IPMK: variants seen among roughly 807,000 people sequenced by gnomAD.
IPMK encodes the protein inositol polyphosphate multikinase.
IPMK carries 17 observed loss-of-function variants against 45.8 expected under a neutral mutation model. The observed-to-expected ratio is 0.37, with a 90% CI of 0.25 to 0.56. The LOEUF (loss-of-function observed/expected upper bound fraction) is 0.56. Among genes scored for constraint, IPMK ranks in the 20% least tolerant of loss-of-function variants. The pLI is 0.79. For missense variants in IPMK, 399 were observed against 498.0 expected (o/e 0.80, Z 1.89); for synonymous variants, 180 against 184.3 (o/e 0.98, Z 0.19).
At position 58,267,445 on chromosome 10, in the gene IPMK, T is replaced by C; in HGVS notation, c.167A>G (p.His56Arg). ...ACCCACTTTGTCCTTCCCGTACATGTGCCCGGCCACCTGATGCGAGAGGGG... is the reference window on the plus strand; with the variant it reads ...ACCCACTTTGTCCTTCCCGTACATGCGCCCGGCCACCTGATGCGAGAGGGG... ...CVPLSHQVAG[H>R]MYGKDKVGIL... The change falls in exon 1 of 6, where the codon CAC becomes CGC. Residue 56 changes from histidine to arginine, a missense_variant. Transcript: ENST00000373935. 1 of 1,613,874 alleles carries C rather than the reference T, an allele frequency of 6.2e-7. No individual in the cohort carries two copies. The highest frequency in any genetic ancestry group is 8.5e-7 in the Non-Finnish European group (1 of 1,179,878).
chr10:58,267,629 GT>G lies in IPMK; in HGVS notation c.-19del. 1 of 1,561,374 alleles carries G rather than the reference GT, an allele frequency of 6.4e-7. No homozygotes were observed. The highest frequency in any genetic ancestry group is 8.7e-7 in the Non-Finnish European group (1 of 1,148,098). ...GTTGCCATAACGGAGAGCAGAAGCG[GT>G]AACGGCAGCGAGAGTAGGAAAAAAA... On this transcript the variant is annotated 5_prime_UTR_variant, in exon 1 of 6. Coordinates refer to ENST00000373935, the MANE Select transcript of IPMK (RefSeq NM_152230.5).
At chr10:58,204,073 A>G (rs951209094) in intron 4 of IPMK, among the ~76,000 whole-genome samples, 2 of 152,022 alleles carry the variant, frequency 1.3e-5, no homozygotes, top group Non-Finnish European at 2.9e-5. Context: ...TTAAAAAAAC[A>G]TAATGCAACC....
At chr10:58,261,872 T>G (rs543206535) in intron 1 of IPMK, among the ~76,000 whole-genome samples, 1 of 152,264 alleles carries the variant, frequency 6.6e-6, no homozygotes, top group African/African-American at 2.4e-5. Flanking sequence ...CCCCAAGTAA[T>G]TTTTGAACAC....
At chr10:58,237,682 T>G (rs1173715832) in intron 2 of IPMK, 47 bp downstream of exon 2, 1 of 1,415,960 alleles carries the variant, frequency 7.1e-7, no homozygotes, top group Non-Finnish European at 1.0e-6. Context: ...ACCAGAAAAC[T>G]CTGAAAAACA....
rs924655198 is a variant in IPMK at position 58,193,485 on chromosome 10, CATT to C, written c.*2588_*2590del. 6.6e-6 allele frequency: 1 copy of C among 151,726 alleles called. No individual in the cohort carries two copies. Among genetic ancestry groups the C allele is most frequent in the Non-Finnish European group, 1.5e-5 (1 of 67,728 alleles). 9.4% of individuals were successfully genotyped at this position (151,726 alleles called of 1,614,324 possible). On this transcript the variant is annotated 3_prime_UTR_variant, in exon 6 of 6. Coordinates refer to ENST00000373935, the MANE Select transcript of IPMK (RefSeq NM_152230.5). ...TTTAGATAAAATATTTAGCATTTATCATTGATTTTAATTTATTTGAATCTATGC... is the reference window on the plus strand; with the variant it reads ...TTTAGATAAAATATTTAGCATTTATCGATTTTAATTTATTTGAATCTATGC...
intron 1 of IPMK, among the ~76,000 whole-genome samples, chr10:58,265,520 T>C (rs1440995252): frequency 6.6e-6 from 1 of 152,212 alleles, no homozygotes; most frequent in Non-Finnish European, 1.5e-5. Flanking sequence ...ATCAGTCAAG[T>C]ATCCTTTTAC....
At chr10:58,244,178 G>C (rs1271383283) in intron 1 of IPMK, among the ~76,000 whole-genome samples, 1 of 150,496 alleles carries the variant, frequency 6.6e-6, no homozygotes, top group Non-Finnish European at 1.5e-5. Context: ...GCCCCGTCTG[G>C]GAGGTGAGGA....
intron 4 of IPMK, among the ~76,000 whole-genome samples, chr10:58,207,608 T>C (rs538780785): frequency 9.8e-5 from 15 of 152,328 alleles, no homozygotes; most frequent in Non-Finnish European, 1.9e-4. Flanking sequence ...TCTGTCTTGA[T>C]AACCCATCGA....
intron 1 of IPMK, among the ~76,000 whole-genome samples, chr10:58,244,969 CCTT>C (rs1162115701): frequency 6.6e-6 from 1 of 151,816 alleles, no homozygotes; most frequent in Non-Finnish European, 1.5e-5. Flanking sequence ...TATCTGCTGA[CCTT>C]CTCTCCACTA....
chr10:58,221,030 T>C (rs1838324976), intron 3 of IPMK, among the ~76,000 whole-genome samples: 1 of 152,150 alleles, frequency 6.6e-6, no homozygotes. Context: ...ACACACAAAA[T>C]TAAAAGATGT....
At chr10:58,251,292 T>C (rs1838876432) in intron 1 of IPMK, among the ~76,000 whole-genome samples, 1 of 152,224 alleles carries the variant, frequency 6.6e-6, no homozygotes, top group Non-Finnish European at 1.5e-5. Flanking sequence ...CATAAATTTG[T>C]ACCATTTCCA....
intron 1 of IPMK, among the ~76,000 whole-genome samples, chr10:58,243,889 C>A (rs1838740345): frequency 1.3e-5 from 2 of 151,566 alleles, no homozygotes; most frequent in East Asian, 3.9e-4. Context: ...TGAGGAGCGC[C>A]TCTGCCCGGC....
intron 3 of IPMK, among the ~76,000 whole-genome samples, chr10:58,217,873 G>A (rs1838271412): frequency 6.6e-6 from 1 of 151,954 alleles, no homozygotes; most frequent in African/African-American, 2.4e-5. Flanking sequence ...GAGTACCGGG[G>A]TAAGAGAAGC....
At position 58,191,527 on chromosome 10, in the gene IPMK, A is replaced by G. The variant is rs1837818188; in HGVS notation, c.*4549T>C. On this transcript the variant is annotated 3_prime_UTR_variant, in exon 6 of 6. Transcript: ENST00000373935. Reference sequence around the variant, plus strand: ...AATTAATGAAAAAAGTTCCAATGCAAAACATTTTAATAGGTTGTCAAATAT... The same window carrying G: ...AATTAATGAAAAAAGTTCCAATGCAGAACATTTTAATAGGTTGTCAAATAT... 6.6e-6 allele frequency: 1 copy of G among 152,132 alleles called. No individual in the cohort carries two copies. The highest frequency in any genetic ancestry group is 1.5e-5 in the Non-Finnish European group (1 of 67,984). The allele number at this position is 152,132 out of a possible 1,614,324, so 9.4% of individuals were successfully genotyped here. A position where few individuals can be genotyped will look rare whatever the true frequency, so the allele number is the denominator to read the frequency against.
chr10:58,244,078 G>A (rs1194342215), intron 1 of IPMK, among the ~76,000 whole-genome samples: 1 of 150,830 alleles, frequency 6.6e-6, no homozygotes, highest in Non-Finnish European at 1.5e-5. Context: ...TGGGAGGTGG[G>A]GAACGTCTCT....
chr10:58,259,628 T>C (rs1839027123), intron 1 of IPMK, among the ~76,000 whole-genome samples: 1 of 138,896 alleles, frequency 7.2e-6, no homozygotes, highest in South Asian at 2.2e-4. Flanking sequence ...AGCTCAGGAG[T>C]TCAAGACCAG....
At chr10:58,225,450 G>C (rs950167204) in intron 3 of IPMK, among the ~76,000 whole-genome samples, 24 of 151,988 alleles carry the variant, frequency 1.6e-4, no homozygotes, top group Non-Finnish European at 4.4e-5. Flanking sequence ...AGACCAAAAA[G>C]GTTGATTACT....
At chr10:58,261,805 C>A (rs1839072576) in intron 1 of IPMK, among the ~76,000 whole-genome samples, 1 of 152,170 alleles carries the variant, frequency 6.6e-6, no homozygotes, top group African/African-American at 2.4e-5. Context: ...TGGTCTCAAC[C>A]TCCTGGCCTT....
chr10:58,242,480 A>G (rs1838711112), intron 1 of IPMK, among the ~76,000 whole-genome samples: 1 of 150,898 alleles, frequency 6.6e-6, no homozygotes, highest in Admixed American at 6.6e-5. Context: ...AAAAAAGAAA[A>G]GAAAACAAAA....
Sources: allele counts gnomAD v4.1 joint callset (sites outside exome capture counted in the v4.1 genomes callset), GRCh38; gene constraint gnomAD v4.1.1; transcripts MANE v1.5; gene names NCBI Gene and HGNC (gene_info 2026-07-23, HGNC 2026-07-21).